Variants in ARHGEF10 observed in about 807,000 individuals in gnomAD.
ARHGEF10 encodes Rho guanine nucleotide exchange factor (GEF) 10.
A neutral mutation model predicts 147.4 loss-of-function variants in ARHGEF10; 140 were observed. That is an observed-to-expected ratio of 0.95 (90% CI 0.83 to 1.09). The LOEUF is 1.09. Ranked by LOEUF, ARHGEF10 falls within the 50% of genes least tolerant of loss-of-function variation. ARHGEF10 has a pLI of 0.00. For synonymous variants in ARHGEF10, 902 were observed against 695.8 expected (o/e 1.30, Z -4.67); for missense variants, 2,222 against 1,752.7 (o/e 1.27, Z -4.78).
At chr8:1,832,020 G>A (rs1803140736) in intron 1 of ARHGEF10, among the ~76,000 whole-genome samples, 1 of 152,180 alleles carries the variant, frequency 6.6e-6, no homozygotes, top group African/African-American at 2.4e-5. Flanking sequence ...CTGGGTGTGG[G>A]GACAGGAGTC....
chr8:1,894,655 C>G (rs1471310411), intron 13 of ARHGEF10, 83 bp downstream of exon 13: 2 of 1,473,854 alleles, frequency 1.4e-6, no homozygotes, highest in African/African-American at 2.8e-5. Flanking sequence ...ATGTTTTGCC[C>G]CTGATCTCCT....
In ARHGEF10 at chr8:1,957,118, G is replaced by A. The variant is rs769702759; in HGVS notation, c.3890G>A (p.Arg1297Gln). The A allele has an allele frequency of 2.5e-5, 40 of 1,612,952 alleles. No individual in the cohort carries two copies. Among genetic ancestry groups the A allele is most frequent in the South Asian group, 6.6e-5 (6 of 91,092 alleles). The part of the protein sequence containing the change: ...DPVSLRSKAR[R>Q]AKKAKASSAL... ...GTCTCGCTGAGAAGCAAAGCACGCC[G>A]GGCCAAGAAAGCCAAGGCCAGCTCG... is the stretch of plus-strand genomic sequence containing the variant. The change falls in exon 29 of 29, where the codon CGG becomes CAG. Residue 1297 changes from arginine to glutamine, a missense_variant. Arg to Gln is a conservative substitution (Grantham distance 43). Transcript: ENST00000349830.
At chr8:1,844,137 G>T (rs1804320504) in intron 2 of ARHGEF10, among the ~76,000 whole-genome samples, 1 of 152,142 alleles carries the variant, frequency 6.6e-6, no homozygotes, top group Non-Finnish European at 1.5e-5. Flanking sequence ...TGCAGGTCTG[G>T]GGGGTGATGG....
Position 1,903,451 on chromosome 8 carries a change from G to A in ARHGEF10, c.1821G>A (p.Lys607=), listed in dbSNP as rs757695026. The change falls in exon 16 of 29, where the codon AAG becomes AAA. Residue 607 remains lysine (K), a splice_region_variant and synonymous_variant. Transcript: ENST00000349830. ...AKAINERYLN[K]LLSSGSRYLI... ...CCATAAACGAAAGATACCTGAACAA[G>A]GTTGAGAGAGGTTTTCTTCAACTCT... The A allele has an allele frequency of 3.3e-5, 54 of 1,613,932 alleles. No homozygotes were observed. Among genetic ancestry groups the A allele is most frequent in the Non-Finnish European group, 4.5e-5 (53 of 1,180,058 alleles).
At chr8:1,904,759 A>G (rs1810747714) in intron 16 of ARHGEF10, among the ~76,000 whole-genome samples, 1 of 152,124 alleles carries the variant, frequency 6.6e-6, no homozygotes, top group African/African-American at 2.4e-5. Flanking sequence ...GCAGCAGCGT[A>G]GGTTTAGAAT....
chr8:1,857,776 C>G (rs1406203616), intron 2 of ARHGEF10, among the ~76,000 whole-genome samples, 184 bp from the exon 3 acceptor site: 1 of 152,040 alleles, frequency 6.6e-6, no homozygotes, highest in Non-Finnish European at 1.5e-5. Context: ...ACCAGTGACT[C>G]AGAATTCTAA....
chr8:1,855,512 G>C lies in ARHGEF10; in HGVS notation c.38-2448G>C, dbSNP rs548358675. 1.4e-3 allele frequency among the ~76,000 whole-genome samples: 213 copies of C among 152,110 alleles called. 3 individuals carry two copies. Among genetic ancestry groups the C allele is most frequent in the Non-Finnish European group, 7.9e-4 (54 of 67,986 alleles). On this transcript the variant is annotated intron_variant, in intron 2 of 28. Transcript: ENST00000349830. ...TCCTCCCACCTCAGCCTTCGGAGTA[G>C]GTGGGACCACAGGTCCACGCCTTCA...
chr8:1,861,731 GC>G (rs1217046568), intron 4 of ARHGEF10, among the ~76,000 whole-genome samples: 2 of 152,130 alleles, frequency 1.3e-5, no homozygotes, highest in Admixed American at 1.3e-4. Context: ...GTTGAAGTCG[GC>G]CAGAGTCCTC....
chr8:1,945,593 C>A lies in ARHGEF10; in HGVS notation c.3335C>A (p.Thr1112Lys). 4 of 1,614,218 alleles carry A rather than the reference C, an allele frequency of 2.5e-6. No individual in the cohort carries two copies. Among genetic ancestry groups the A allele is most frequent in the South Asian group, 2.2e-5 (2 of 91,086 alleles). ...GGGTCCACGCTCCGCCTTTTTCACA[C>A]GGAAACTCTCAAGCACCTGCAGGAC... is the stretch of plus-strand genomic sequence containing the variant. ...TSGSTLRLFH[T>K]ETLKHLQDIN... The change falls in exon 27 of 29, where the codon ACG (threonine) becomes AAG (lysine). Residue 1112 changes from threonine (T) to lysine (K), a missense_variant. By Grantham distance (78) the Thr-to-Lys change is moderately conservative (BLOSUM62 -1). Transcript: ENST00000349830.
chr8:1,955,660 T>G (rs1175296501), intron 28 of ARHGEF10, among the ~76,000 whole-genome samples: 1 of 152,120 alleles, frequency 6.6e-6, no homozygotes, highest in Non-Finnish European at 1.5e-5. Context: ...TCTCACTGTT[T>G]CTCTGGATGG....
chr8:1,900,669 T>C (rs1262407122), intron 15 of ARHGEF10, among the ~76,000 whole-genome samples: 2 of 152,238 alleles, frequency 1.3e-5, no homozygotes, highest in African/African-American at 4.8e-5. Flanking sequence ...AACATACTTC[T>C]AAATATTTAA....
chr8:1,888,578 T>A lies in ARHGEF10; in HGVS notation c.1182+2871T>A, dbSNP rs1317816642. Among the ~76,000 whole-genome samples the A allele has an allele frequency of 9.3e-5, 10 of 106,952 alleles. 2 individuals are homozygous for A. Among genetic ancestry groups the A allele is most frequent in the African/African-American group, 4.2e-4 (10 of 23,642 alleles). 70.2% of individuals were successfully genotyped at this position (106,952 alleles called of 152,430 possible). ...AGGTATGGGGAGACACTGAGTGGGGTGTGAGGGGTCTGTGAGGTGTCACTG... is the reference window on the plus strand; with the variant it reads ...AGGTATGGGGAGACACTGAGTGGGGAGTGAGGGGTCTGTGAGGTGTCACTG... On this transcript the variant is annotated intron_variant, in intron 11 of 28. Transcript: ENST00000349830.
rs545945678 is a variant in ARHGEF10, at chr8:1,934,053, A to T, written c.3222+111A>T. Reference sequence around the variant, plus strand: ...CTTGCCTGTGGCTAAATTTCCTTCTAGCCGGGCACAGTGGCTCATGCCTGT... The same window carrying T: ...CTTGCCTGTGGCTAAATTTCCTTCTTGCCGGGCACAGTGGCTCATGCCTGT... On this transcript the variant is annotated intron_variant, in intron 26 of 28. Coordinates refer to ENST00000349830, the MANE Select transcript of ARHGEF10 (RefSeq NM_014629.4). The T allele has an allele frequency of 2.1e-6, 3 of 1,444,754 alleles. No individual in the cohort carries two copies. In the East Asian group the frequency reaches 7.0e-5, roughly 34 times the overall value. The allele number at this position is 1,444,754 out of a possible 1,614,324, so 89.5% of individuals were successfully genotyped here. A position where few individuals can be genotyped will look rare whatever the true frequency, so the allele number is the denominator to read the frequency against.
chr8:1,850,143 GTGTGGGGCGGC>G (rs1804968844), intron 2 of ARHGEF10, among the ~76,000 whole-genome samples: 1 of 137,772 alleles, frequency 7.3e-6, no homozygotes, highest in African/African-American at 2.7e-5. Flanking sequence ...GCTGAGGAGG[GTGTGGGGCGGC>G]CACGTGGACA....
intron 17 of ARHGEF10, 88 bp downstream of exon 17, chr8:1,905,804 C>T (rs770690065): frequency 2.5e-5 from 39 of 1,540,428 alleles, no homozygotes; most frequent in Admixed American, 1.7e-5. Flanking sequence ...TTAATTCTGT[C>T]ACTCAGACTG....
intron 1 of ARHGEF10, among the ~76,000 whole-genome samples, chr8:1,825,515 G>T (rs1802720688): frequency 7.0e-6 from 1 of 142,868 alleles, no homozygotes; most frequent in South Asian, 2.3e-4. Context: ...TACTCCACCT[G>T]TTCCCCTGCA....
intron 21 of ARHGEF10, among the ~76,000 whole-genome samples, chr8:1,924,784 G>T (rs1022428489): frequency 3.3e-5 from 5 of 152,162 alleles, no homozygotes; most frequent in African/African-American, 4.8e-5. Flanking sequence ...GCCCCCTTTC[G>T]TCTTCAGATC....
chr8:1,956,631 C>T lies in ARHGEF10; in HGVS notation c.3521-118C>T, dbSNP rs1489361113. 6.7e-6 allele frequency: 7 copies of T among 1,047,382 alleles called. No homozygotes were observed. The East Asian group carries it at 7.2e-5, about 11-fold the overall frequency. The allele number at this position is 1,047,382 out of a possible 1,614,324, so 64.9% of individuals were successfully genotyped here. On this transcript the variant is annotated intron_variant, in intron 28 of 28. Coordinates refer to ENST00000349830, the MANE Select transcript of ARHGEF10 (RefSeq NM_014629.4). ...ATTATTCATGTATGCAAGTTACTTA[C>T]AGGCTTTGTTATTTGGGCAGGGAGG...
chr8:1,856,882 G>A (rs1585282169), intron 2 of ARHGEF10, among the ~76,000 whole-genome samples: 1 of 152,308 alleles, frequency 6.6e-6, no homozygotes. Flanking sequence ...CAGGGGCTGG[G>A]TTCCTCTCGC....
Sources: gnomAD v4.1 joint callset for allele counts (sites outside exome capture counted in the v4.1 genomes callset) on GRCh38, gnomAD v4.1.1 for gene constraint, MANE v1.5 for transcripts, NCBI Gene and HGNC (gene_info 2026-07-23, HGNC 2026-07-21) for gene names.